Variants in SNAP91 observed in about 807,000 individuals in gnomAD.
The protein encoded by SNAP91 is synaptosome associated protein 91.
In SNAP91, 27 loss-of-function variants were observed where a neutral mutation model predicts 100.3. The observed-to-expected ratio is 0.27, with a 90% CI of 0.20 to 0.37. The LOEUF is 0.37. Among genes scored for constraint, SNAP91 ranks in the 10% least tolerant of loss-of-function variants. The probability of loss-of-function intolerance (pLI) is 1.00; values close to 1 mark genes in which losing one functional copy is unlikely to be tolerated. For synonymous variants in SNAP91, 404 were observed against 398.6 expected (o/e 1.01, Z -0.16); for missense variants, 986 against 1,123.7 (o/e 0.88, Z 1.75).
intron 26 of SNAP91, among the ~76,000 whole-genome samples, chr6:83,571,111 T>TC (rs1491541541): frequency 7.0e-6 from 1 of 143,086 alleles, no homozygotes; most frequent in African/African-American, 2.5e-5. Flanking sequence ...CGCCCACCTC[T>TC]TTTTTTTTTT....
chr6:83,593,433 A>G (rs535896689), intron 18 of SNAP91, 45 bp downstream of exon 18: 3 of 1,542,736 alleles, frequency 1.9e-6, no homozygotes, highest in East Asian at 4.9e-5. Context: ...ATCAGAATTC[A>G]ATCCACTAGA....
chr6:83,584,230 T>C (rs1313485151), intron 22 of SNAP91, among the ~76,000 whole-genome samples: 1 of 152,182 alleles, frequency 6.6e-6, no homozygotes, highest in Non-Finnish European at 1.5e-5. Context: ...TAGGTGAATG[T>C]GGAGAAAACT....
chr6:83,643,990 T>G (rs751930864), intron 7 of SNAP91, among the ~76,000 whole-genome samples: 1 of 152,208 alleles, frequency 6.6e-6, no homozygotes, highest in African/African-American at 2.4e-5. Context: ...TGTTAAGAAA[T>G]TTGAAAATAA....
At chr6:83,678,917 G>T in intron 2 of SNAP91, 2 of 1,052,348 alleles carry the variant, frequency 1.9e-6, no homozygotes, top group Non-Finnish European at 2.3e-6. Context: ...CAGGATTTAA[G>T]TAAAAAGAAA....
At chr6:83,640,415 T>C (rs891079740) in intron 8 of SNAP91, among the ~76,000 whole-genome samples, 1 of 152,162 alleles carries the variant, frequency 6.6e-6, no homozygotes, top group Non-Finnish European at 1.5e-5. Flanking sequence ...TTAATTGACA[T>C]GTAAGATAAA....
rs117489682 is a variant in SNAP91 at position 83,626,813 on chromosome 6, T to G, written c.766-3471A>C. Among the ~76,000 whole-genome samples, 1,154 of 152,134 alleles carry G rather than the reference T, an allele frequency of 7.6e-3. 5 individuals carry two copies. The highest frequency in any genetic ancestry group is 0.012 in the Non-Finnish European group (829 of 67,954). On this transcript the variant is annotated intron_variant, in intron 8 of 29. Coordinates refer to ENST00000369694, the MANE Select transcript of SNAP91 (RefSeq NM_001242792.2). ...GAATCATATCCTTAGCAAAGAGAGA[T>G]AGTTTGACTTCCTCTTTTCCTATTT...
chr6:83,618,376 T>TAA (rs545590099), intron 9 of SNAP91, among the ~76,000 whole-genome samples: 2 of 147,402 alleles, frequency 1.4e-5, no homozygotes, highest in African/African-American at 2.5e-5. Flanking sequence ...ACTATAGAGT[T>TAA]AAAAAAAAAA....
chr6:83,558,001 C>G (rs1265939626), intron 28 of SNAP91, among the ~76,000 whole-genome samples: 1 of 151,746 alleles, frequency 6.6e-6, no homozygotes, highest in East Asian at 1.9e-4. Context: ...GTATCATTAC[C>G]TGGCTTATTA....
chr6:83,653,416 CTG>C (rs2098281365), intron 7 of SNAP91, among the ~76,000 whole-genome samples: 1 of 152,106 alleles, frequency 6.6e-6, no homozygotes, highest in African/African-American at 2.4e-5. Context: ...CAGCCATGTC[CTG>C]TTTGCTAATA....
chr6:83,649,399 C>T (rs1241193540), intron 7 of SNAP91, among the ~76,000 whole-genome samples: 1 of 152,182 alleles, frequency 6.6e-6, no homozygotes, highest in Non-Finnish European at 1.5e-5. Context: ...CACAACTTTA[C>T]TGCTGGCTTT....
Position 83,707,939 on chromosome 6 carries a change from G to C in SNAP91, c.-12C>G, listed in dbSNP as rs771834318. 6.4e-7 allele frequency: 1 copy of C among 1,566,938 alleles called. No homozygotes were observed. The highest frequency in any genetic ancestry group is 2.0e-5 in the Admixed American group (1 of 49,878). ...GTTTGGCCCGACATCTTCTGTGGTC[G>C]CGTCTACCGCCTCCTCTTCTGCAGG... On this transcript the variant is annotated 5_prime_UTR_variant, in exon 2 of 30. Transcript: ENST00000369694.
At chr6:83,555,469 T>C (rs746966306) in intron 29 of SNAP91, among the ~76,000 whole-genome samples, 2 of 152,206 alleles carry the variant, frequency 1.3e-5, no homozygotes, top group African/African-American at 4.8e-5. Flanking sequence ...ATGACTGTTC[T>C]ATTGAGAAGT....
chr6:83,645,730 A>G, intron 7 of SNAP91, among the ~76,000 whole-genome samples: 1 of 152,222 alleles, frequency 6.6e-6, no homozygotes, highest in East Asian at 1.9e-4. Context: ...GCGTGTCTGT[A>G]ATCCCAGCTA....
At position 83,630,937 on chromosome 6, in the gene SNAP91, T is replaced by C. The variant is rs185203262; in HGVS notation, c.766-7595A>G. 1.2e-4 allele frequency among the ~76,000 whole-genome samples: 19 copies of C among 152,248 alleles called. No homozygotes were observed. In the East Asian group the frequency reaches 3.5e-3, roughly 28 times the overall value. ...ATCCTTGAGGTGTGACCTTAGACTG[T>C]CTGTTTGTGTTCTTTCAAATTTTTT... On this transcript the variant is annotated intron_variant, in intron 8 of 29. Transcript: ENST00000369694.
At chr6:83,650,649 T>C (rs1250709886) in intron 7 of SNAP91, among the ~76,000 whole-genome samples, 1 of 152,116 alleles carries the variant, frequency 6.6e-6, no homozygotes, top group Non-Finnish European at 1.5e-5. Context: ...AACCCCTGAC[T>C]TCAAGTGATC....
intron 16 of SNAP91, among the ~76,000 whole-genome samples, chr6:83,598,647 CATAACTGGTTT>C (rs1237429720): frequency 3.3e-5 from 5 of 152,096 alleles, no homozygotes; most frequent in Non-Finnish European, 5.9e-5. Context: ...TTAAACAAAA[CATAACTGGTTT>C]TCTGATTATT....
chr6:83,646,482 A>T (rs2128603678), intron 7 of SNAP91, among the ~76,000 whole-genome samples: 1 of 152,306 alleles, frequency 6.6e-6, no homozygotes, highest in Non-Finnish European at 1.5e-5. Flanking sequence ...TCAAAAGATT[A>T]TCTTTGCTCC....
At chr6:83,684,943 T>G (rs1472181626) in intron 2 of SNAP91, among the ~76,000 whole-genome samples, 3 of 152,180 alleles carry the variant, frequency 2.0e-5, no homozygotes, top group African/African-American at 7.2e-5. Flanking sequence ...GCCTCTTTCC[T>G]AGAAGATAAC....
intron 9 of SNAP91, among the ~76,000 whole-genome samples, chr6:83,620,751 G>A (rs1362809216): frequency 6.6e-6 from 1 of 150,914 alleles, no homozygotes; most frequent in Non-Finnish European, 1.5e-5. Context: ...TCGCTCTGTC[G>A]CCCAGGCTGG....
Sources: gnomAD v4.1 joint callset for allele counts (sites outside exome capture counted in the v4.1 genomes callset) on GRCh38, gnomAD v4.1.1 for gene constraint, MANE v1.5 for transcripts, NCBI Gene and HGNC (gene_info 2026-07-23, HGNC 2026-07-21) for gene names.